Variants in GOLT1A observed in about 807,000 individuals in gnomAD.
GOLT1A encodes golgi transport 1A.
GOLT1A carries 10 observed loss-of-function variants against 16.1 expected under a neutral mutation model. The ratio of observed to expected loss-of-function variants is 0.62; its 90% CI spans 0.38 to 1.05. The LOEUF (loss-of-function observed/expected upper bound fraction) is 1.05. Ranked by LOEUF, GOLT1A falls within the 50% of genes least tolerant of loss-of-function variation. The pLI is 0.01. For synonymous variants in GOLT1A, 60 were observed against 67.9 expected (o/e 0.88, Z 0.57); for missense variants, 137 against 165.7 (o/e 0.83, Z 0.95).
intron 1 of GOLT1A, among the ~76,000 whole-genome samples, chr1:204,213,583 T>C (rs973666912): frequency 6.6e-6 from 1 of 152,110 alleles, no homozygotes; most frequent in East Asian, 1.9e-4. Flanking sequence ...AGTCCACCTT[T>C]GTGGCAACCC....
intron 1 of GOLT1A, among the ~76,000 whole-genome samples, chr1:204,210,039 C>G (rs541155703): frequency 2.4e-4 from 37 of 152,248 alleles, no homozygotes; most frequent in African/African-American, 7.7e-4. Context: ...GCCTGGGCAA[C>G]AAGAGTGAAA....
chr1:204,206,284 G>A (rs1243902082), intron 1 of GOLT1A, among the ~76,000 whole-genome samples: 3 of 152,162 alleles, frequency 2.0e-5, no homozygotes, highest in Non-Finnish European at 4.4e-5. Flanking sequence ...CTGATTCCTT[G>A]TGTTCCTGAC....
chr1:204,207,483 G>C (rs754512234), intron 1 of GOLT1A, among the ~76,000 whole-genome samples: 16 of 152,210 alleles, frequency 1.1e-4, no homozygotes, highest in Non-Finnish European at 2.4e-4. Context: ...TTGCTGCCAA[G>C]AAGAGCCCAT....
intron 1 of GOLT1A, among the ~76,000 whole-genome samples, chr1:204,208,888 C>T (rs1349649313): frequency 6.6e-6 from 1 of 152,172 alleles, no homozygotes; most frequent in Non-Finnish European, 1.5e-5. Context: ...AAACAGCCAA[C>T]ATACAGCCAT....
chr1:204,210,743 C>A (rs56343361), intron 1 of GOLT1A, among the ~76,000 whole-genome samples: 18,029 of 152,122 alleles, frequency 0.12, 1,139 homozygotes, highest in Middle Eastern at 0.19. Context: ...GTCTTCAAAC[C>A]TCCCTTGTAT....
At chr1:204,208,474 G>GTGTGTGTATATATA (rs1553234644) in intron 1 of GOLT1A, among the ~76,000 whole-genome samples, 12 of 31,428 alleles carry the variant, frequency 3.8e-4, no homozygotes, top group African/African-American at 9.5e-4. Context: ...GTGTGTGTGT[G>GTGTGTGTATATATA]TGTATATATA....
chr1:204,203,240 C>G (rs562856249), intron 1 of GOLT1A, among the ~76,000 whole-genome samples: 1 of 152,272 alleles, frequency 6.6e-6, no homozygotes, highest in East Asian at 1.9e-4. Flanking sequence ...CACTGCAGCC[C>G]TGTGTGGAAG....
chr1:204,202,685 C>A (rs2102336168), intron 2 of GOLT1A, among the ~76,000 whole-genome samples: 1 of 152,208 alleles, frequency 6.6e-6, no homozygotes, highest in South Asian at 2.1e-4. Context: ...TGCCAGCGGG[C>A]TCTGCGTCCA....
At chr1:204,213,038 C>T (rs1037726776) in intron 1 of GOLT1A, among the ~76,000 whole-genome samples, 2 of 152,138 alleles carry the variant, frequency 1.3e-5, no homozygotes, top group Admixed American at 6.5e-5. Context: ...AAAGGCTCAC[C>T]TTCTCAGTGA....
At chr1:204,208,368 G>T (rs1350011570) in intron 1 of GOLT1A, among the ~76,000 whole-genome samples, 2 of 59,836 alleles carry the variant, frequency 3.3e-5, no homozygotes, top group Non-Finnish European at 9.7e-5. Context: ...ATATATGTGT[G>T]TATCTATACA....
intron 1 of GOLT1A, among the ~76,000 whole-genome samples, chr1:204,208,436 A>G: frequency 1.3e-5 from 1 of 79,420 alleles, no homozygotes; most frequent in Non-Finnish European, 3.3e-5. Flanking sequence ...GTATATGTAT[A>G]CATATGTGTG....
Position 204,198,481 on chromosome 1 carries a change from G to C in GOLT1A, c.376C>G (p.Gln126Glu). The C allele has an allele frequency of 6.2e-7, 1 of 1,613,634 alleles. No individual in the cohort carries two copies. The highest frequency in any genetic ancestry group is 8.5e-7 in the Non-Finnish European group (1 of 1,179,808). ...TTTCAGACCATCGAGCTAGTGCCTTGAAGTCTCCGGAACAGCTGTGGGAGC... is the reference window on the plus strand; with the variant it reads ...TTTCAGACCATCGAGCTAGTGCCTTCAAGTCTCCGGAACAGCTGTGGGAGC... The part of the protein sequence containing the change: ...PFLGALFRRL[Q>E]GTSSMV Residue 126 changes from glutamine (Q) to glutamate (E), a missense_variant, in exon 5 of 5, where the codon CAA (glutamine) becomes GAA (glutamate). Physicochemically the swap from Gln to Glu is conservative, Grantham distance 29. Transcript: ENST00000308302.
chr1:204,205,618 G>A (rs1213138667), intron 1 of GOLT1A, among the ~76,000 whole-genome samples: 2 of 152,162 alleles, frequency 1.3e-5, no homozygotes, highest in Non-Finnish European at 1.5e-5. Flanking sequence ...TAGATTTACT[G>A]GCTGAGTTTT....
chr1:204,213,012 G>A (rs1659163267), intron 1 of GOLT1A, among the ~76,000 whole-genome samples: 1 of 151,834 alleles, frequency 6.6e-6, no homozygotes, highest in Non-Finnish European at 1.5e-5. Context: ...ATAGATCTCT[G>A]AAAAAAGATC....
chr1:204,208,232 G>C (rs1337174220), intron 1 of GOLT1A, among the ~76,000 whole-genome samples: 1 of 151,368 alleles, frequency 6.6e-6, no homozygotes, highest in African/African-American at 2.4e-5. Flanking sequence ...GCACAGTTTG[G>C]AATTGCAAAA....
intron 1 of GOLT1A, among the ~76,000 whole-genome samples, chr1:204,213,015 A>G (rs113325018): frequency 0.01 from 1,593 of 152,228 alleles, 8 homozygotes; most frequent in Non-Finnish European, 0.013. Context: ...GATCTCTGAA[A>G]AAAGATCTGA....
intron 1 of GOLT1A, among the ~76,000 whole-genome samples, chr1:204,209,863 G>T (rs1659113242): frequency 1.3e-5 from 2 of 152,138 alleles, no homozygotes. Flanking sequence ...TTCGAGACCA[G>T]CCTGGCCAAC....
At chr1:204,213,205 A>G (rs752870239) in intron 1 of GOLT1A, among the ~76,000 whole-genome samples, 1 of 152,206 alleles carries the variant, frequency 6.6e-6, no homozygotes, top group Non-Finnish European at 1.5e-5. Context: ...GAATGTAAGC[A>G]GGGAGTCAGT....
At chr1:204,207,827 A>T (rs886152628) in intron 1 of GOLT1A, among the ~76,000 whole-genome samples, 2 of 152,124 alleles carry the variant, frequency 1.3e-5, no homozygotes, top group Admixed American at 6.5e-5. Flanking sequence ...TGTGGTTTTT[A>T]AAACTCCTGG....
Sources: allele counts gnomAD v4.1 joint callset (sites outside exome capture counted in the v4.1 genomes callset), GRCh38; gene constraint gnomAD v4.1.1; transcripts MANE v1.5; gene names NCBI Gene and HGNC (gene_info 2026-07-23, HGNC 2026-07-21).